DLGAP2: variants seen among roughly 807,000 people sequenced by gnomAD.
DLGAP2 encodes DLG associated protein 2, also known as disks large-associated protein 2.
Under a neutral mutation model 100.3 loss-of-function variants are expected in DLGAP2, and 26 were observed. The ratio of observed to expected loss-of-function variants is 0.26; its 90% CI spans 0.19 to 0.36. DLGAP2 has a LOEUF of 0.36. Ranked by LOEUF, DLGAP2 falls within the 10% of genes least tolerant of loss-of-function variation. DLGAP2 has a pLI of 1.00. For synonymous variants in DLGAP2, 886 were observed against 630.1 expected (o/e 1.41, Z -6.08); for missense variants, 1,858 against 1,453.2 (o/e 1.28, Z -4.53).
chr8:836,444 C>T (rs1328567650), intron 1 of DLGAP2, among the ~76,000 whole-genome samples: 3 of 152,186 alleles, frequency 2.0e-5, no homozygotes, highest in Non-Finnish European at 2.9e-5. Context: ...CCTGCAGGCG[C>T]CCTGGCAGGG....
At chr8:1,169,234 G>C (rs1797078161) in intron 2 of DLGAP2, among the ~76,000 whole-genome samples, 1 of 152,254 alleles carries the variant, frequency 6.6e-6, no homozygotes, top group South Asian at 2.1e-4. Flanking sequence ...CTGTACTATT[G>C]ATCTATATCT....
At chr8:850,143 CT>C (rs1392583694) in intron 1 of DLGAP2, among the ~76,000 whole-genome samples, 1 of 152,032 alleles carries the variant, frequency 6.6e-6, no homozygotes, top group African/African-American at 2.4e-5. Flanking sequence ...TCTGAGTCCC[CT>C]GTCAGATGTG....
chr8:1,256,040 G>A (rs1185502973), intron 2 of DLGAP2, among the ~76,000 whole-genome samples: 4 of 134,774 alleles, frequency 3.0e-5, no homozygotes, highest in Non-Finnish European at 4.7e-5. Context: ...CCCGGGTGCT[G>A]TGTGTGTGTC....
At chr8:1,620,834 C>T (rs1057128032) in intron 6 of DLGAP2, among the ~76,000 whole-genome samples, 2 of 152,204 alleles carry the variant, frequency 1.3e-5, no homozygotes, top group African/African-American at 4.8e-5. Flanking sequence ...TAAGAACTTG[C>T]AGTACTTTTC....
At chr8:1,318,220 A>G in intron 3 of DLGAP2, among the ~76,000 whole-genome samples, 1 of 152,214 alleles carries the variant, frequency 6.6e-6, no homozygotes, top group South Asian at 2.1e-4. Context: ...ATTTCTTTGC[A>G]ACTCTTGAAG....
intron 6 of DLGAP2, 62 bp from the exon 7 acceptor site, chr8:1,626,678 C>A: frequency 1.3e-6 from 2 of 1,546,728 alleles, no homozygotes; most frequent in Admixed American, 2.0e-5. Flanking sequence ...GATGGTCATT[C>A]CCACCTCTGC....
rs192849759 is a variant in DLGAP2, at chr8:1,421,406, T to C, written c.107-79960T>C. On this transcript the variant is annotated intron_variant, in intron 3 of 14. Transcript: ENST00000637795. ...CAATCAACATCCCATTCTGAGGCTC[T>C]CAGAATAATAACACCCACACAAGAG... is the stretch of plus-strand genomic sequence containing the variant. Among the ~76,000 whole-genome samples the C allele has an allele frequency of 9.5e-4, 145 of 152,250 alleles. 1 individual carries two copies. The highest frequency in any genetic ancestry group is 3.3e-3 in the African/African-American group (138 of 41,556).
chr8:1,389,573 G>T (rs976513018), intron 3 of DLGAP2, among the ~76,000 whole-genome samples: 2 of 152,190 alleles, frequency 1.3e-5, no homozygotes, highest in Non-Finnish European at 2.9e-5. Flanking sequence ...AATCTGCACA[G>T]TTCTTTGATT....
At chr8:1,532,307 C>G (rs1300284333) in intron 4 of DLGAP2, among the ~76,000 whole-genome samples, 5 of 152,216 alleles carry the variant, frequency 3.3e-5, no homozygotes, top group Admixed American at 6.5e-5. Flanking sequence ...TCCGATCCTT[C>G]TCTCTCTTGC....
chr8:1,210,610 G>T (rs1336294522), intron 2 of DLGAP2, among the ~76,000 whole-genome samples: 1 of 152,180 alleles, frequency 6.6e-6, no homozygotes, highest in Non-Finnish European at 1.5e-5. Flanking sequence ...GGCATGGAGG[G>T]GCTCCCTCTG....
At chr8:983,346 G>A (rs1231005111) in intron 2 of DLGAP2, among the ~76,000 whole-genome samples, 2 of 149,446 alleles carry the variant, frequency 1.3e-5, no homozygotes, top group African/African-American at 2.5e-5. Context: ...TCGTCGAGAT[G>A]TTCTTGTGTC....
At position 1,707,820 on chromosome 8, in the gene DLGAP2, G is replaced by T. The variant is rs1241820013; in HGVS notation, c.*6414G>T. 1 of 152,572 alleles carries T rather than the reference G, an allele frequency of 6.6e-6. No homozygotes were observed. Among genetic ancestry groups the T allele is most frequent in the African/African-American group, 2.4e-5 (1 of 41,434 alleles). 9.5% of individuals were successfully genotyped at this position (152,572 alleles called of 1,614,324 possible). On this transcript the variant is annotated 3_prime_UTR_variant, in exon 15 of 15. Transcript: ENST00000637795. ...ATAAATATGAAATCATATCGAGTGTGAGGATGAGCAGAGTGCCAAATATTC... is the reference window on the plus strand; with the variant it reads ...ATAAATATGAAATCATATCGAGTGTTAGGATGAGCAGAGTGCCAAATATTC...
intron 3 of DLGAP2, among the ~76,000 whole-genome samples, chr8:1,284,823 C>T (rs1187295943): frequency 6.6e-6 from 1 of 152,136 alleles, no homozygotes; most frequent in African/African-American, 2.4e-5. Context: ...GTTGCGTAGG[C>T]TGGTCTGGAA....
chr8:1,173,008 G>A (rs1372000468), intron 2 of DLGAP2, among the ~76,000 whole-genome samples: 1 of 152,016 alleles, frequency 6.6e-6, no homozygotes, highest in South Asian at 2.1e-4. Context: ...CCATCTTTGT[G>A]GTTTTATCTA....
chr8:1,051,976 G>C (rs550826309), intron 2 of DLGAP2, among the ~76,000 whole-genome samples: 2 of 152,304 alleles, frequency 1.3e-5, no homozygotes, highest in South Asian at 4.1e-4. Flanking sequence ...CACCAGAGGA[G>C]TGCCACCTGC....
intron 3 of DLGAP2, among the ~76,000 whole-genome samples, chr8:1,331,217 G>C (rs1459670087): frequency 6.6e-6 from 1 of 152,216 alleles, no homozygotes; most frequent in African/African-American, 2.4e-5. Flanking sequence ...TGGCACTGAT[G>C]TGCTAGTTGA....
intron 2 of DLGAP2, among the ~76,000 whole-genome samples, chr8:1,212,021 G>A (rs1798116268): frequency 2.0e-5 from 3 of 152,346 alleles, no homozygotes; most frequent in African/African-American, 4.8e-5. Context: ...TCCTTCACCT[G>A]ATTCACAGCG....
At chr8:1,496,090 A>C (rs1488814361) in intron 3 of DLGAP2, among the ~76,000 whole-genome samples, 6 of 152,124 alleles carry the variant, frequency 3.9e-5, no homozygotes, top group African/African-American at 1.4e-4. Flanking sequence ...GGCTTCCCTG[A>C]AAGTCAGGTT....
At chr8:822,618 C>T (rs752543142) in intron 1 of DLGAP2, among the ~76,000 whole-genome samples, 2 of 152,250 alleles carry the variant, frequency 1.3e-5, no homozygotes, top group African/African-American at 2.4e-5. Flanking sequence ...GTACGTGTGA[C>T]TGCAAACTGT....
Sources: gnomAD v4.1 joint callset for allele counts (sites outside exome capture counted in the v4.1 genomes callset) on GRCh38, gnomAD v4.1.1 for gene constraint, MANE v1.5 for transcripts, NCBI Gene and HGNC (gene_info 2026-07-23, HGNC 2026-07-21) for gene names.